Variants in CEP135 observed in about 807,000 individuals in gnomAD.
The protein encoded by CEP135 is centrosomal protein 135.
Under a neutral mutation model 157.3 loss-of-function variants are expected in CEP135, and 142 were observed. The ratio of observed to expected loss-of-function variants is 0.90; its 90% CI spans 0.79 to 1.04. CEP135 has a LOEUF of 1.04. Ranked by LOEUF, CEP135 falls within the 50% of genes least tolerant of loss-of-function variation. The pLI, the probability that CEP135 is intolerant of heterozygous loss-of-function variation, is 0.00. For synonymous variants in CEP135, 396 were observed against 439.8 expected, an observed-to-expected ratio of 0.90 and a Z score of 1.25; for missense variants, 1,317 against 1,309.2, an observed-to-expected ratio of 1.01 and a Z score of -0.09.
rs34553927 is a variant in CEP135 at position 55,961,966 on chromosome 4, T to C, written c.699+2200T>C. 1.6e-3 allele frequency among the ~76,000 whole-genome samples: 242 copies of C among 152,212 alleles called. 2 individuals are homozygous for C. The East Asian group carries it at 0.037, about 23-fold the overall frequency. ...ATTTCCTCTTTTTTCCTTAGGACCT[T>C]ACTTTAATCAATTATTCTTTTTTTC... On this transcript the variant is annotated intron_variant, in intron 6 of 25. Coordinates refer to ENST00000257287, the MANE Select transcript of CEP135 (RefSeq NM_025009.5).
At chr4:55,962,711 T>G (rs550211369) in intron 6 of CEP135, among the ~76,000 whole-genome samples, 1 of 149,710 alleles carries the variant, frequency 6.7e-6, no homozygotes. Flanking sequence ...TTTTTTCCAG[T>G]TTTCTTTTTT....
Position 55,965,784 on chromosome 4 carries a change from T to G in CEP135, c.969T>G (p.Asp323Glu). 1 of 1,613,786 alleles carries G rather than the reference T, an allele frequency of 6.2e-7. No homozygotes were observed. Among genetic ancestry groups the G allele is most frequent in the Non-Finnish European group, 8.5e-7 (1 of 1,179,830 alleles). The change falls in exon 8 of 26, where the codon GAT (aspartate) becomes GAG (glutamate). Residue 323 changes from aspartate (D) to glutamate (E), a missense_variant. By Grantham distance (45) the Asp-to-Glu change is conservative. Transcript: ENST00000257287. ...TCTGCCAAGAATTAACTGAAATAGA[T>G]CAGTTAGCACAGCAGTTGGAAAGAC... is the stretch of plus-strand genomic sequence containing the variant. ...EKLCQELTEI[D>E]QLAQQLERHK... is the part of the protein sequence containing the mutation.
At chr4:55,952,434 G>A (rs752996579) in intron 2 of CEP135, 191 bp downstream of exon 2, 14 of 434,624 alleles carry the variant, frequency 3.2e-5, no homozygotes, top group South Asian at 2.2e-4. Context: ...CACCACTCAC[G>A]CTGTACTGTT....
chr4:55,964,235 A>C (rs779344570), intron 6 of CEP135, 39 bp from the exon 7 acceptor site: 2 of 1,572,696 alleles, frequency 1.3e-6, no homozygotes, highest in South Asian at 2.4e-5. Flanking sequence ...TTGGTTGAAA[A>C]CCAGATTTTT....
intron 17 of CEP135, among the ~76,000 whole-genome samples, chr4:56,004,592 T>G (rs1195334210): frequency 6.6e-6 from 1 of 152,246 alleles, no homozygotes; most frequent in Non-Finnish European, 1.5e-5. Context: ...AACCTGGTGT[T>G]GGGTGCATAA....
At chr4:56,019,247 C>T in intron 22 of CEP135, 106 bp from the exon 23 acceptor site, 3 of 817,864 alleles carry the variant, frequency 3.7e-6, no homozygotes, top group Non-Finnish European at 3.8e-6. Flanking sequence ...CAAAATGAAA[C>T]AAGTGATAGG....
At chr4:56,021,630 G>GT (rs1730974365) in intron 24 of CEP135, among the ~76,000 whole-genome samples, 1 of 152,104 alleles carries the variant, frequency 6.6e-6, no homozygotes, top group Non-Finnish European at 1.5e-5. Context: ...CAAATTGCTT[G>GT]TTAGATCAGT....
chr4:55,965,503 A>G, intron 7 of CEP135, 141 bp from the exon 8 acceptor site: 1 of 605,596 alleles, frequency 1.7e-6, no homozygotes, highest in Non-Finnish European at 2.9e-6. Context: ...AAATAACAAT[A>G]TAAATTTGCA....
Position 56,011,389 on chromosome 4 carries a change from GTCTTTAATTTTC to G in CEP135, c.2506-21_2506-10del, listed in dbSNP as rs1730576425. The G allele has an allele frequency of 2.7e-6, 4 of 1,457,966 alleles. No individual in the cohort carries two copies. The South Asian group carries it at 4.8e-5, about 18-fold the overall frequency. The allele number at this position is 1,457,966 out of a possible 1,614,324, so 90.3% of individuals were successfully genotyped here. On this transcript the variant is annotated splice_polypyrimidine_tract_variant and intron_variant, in intron 19 of 25. Coordinates refer to ENST00000257287, the MANE Select transcript of CEP135 (RefSeq NM_025009.5). Reference sequence around the variant, plus strand: ...TTTGGTGTTGTGTTCATTTTAGATTGTCTTTAATTTTCTGATTTGTAGGAAATCTCATTGGAA... The same window carrying G: ...TTTGGTGTTGTGTTCATTTTAGATTGTGATTTGTAGGAAATCTCATTGGAA...
Position 56,020,791 on chromosome 4 carries a change from T to C in CEP135, c.3320+11T>C, listed in dbSNP as rs1346653157. 6.3e-7 allele frequency: 1 copy of C among 1,580,564 alleles called. No homozygotes were observed. Among genetic ancestry groups the C allele is most frequent in the Admixed American group, 1.7e-5 (1 of 58,588 alleles). On this transcript the variant is annotated intron_variant, in intron 24 of 25. Coordinates refer to ENST00000257287, the MANE Select transcript of CEP135 (RefSeq NM_025009.5). The stretch of plus-strand genomic sequence containing the variant: ...TGAAAGATACGAACGGTAAGACAAA[T>C]TTTTTTTACATTTGACAATGTTTTT...
rs1728410836 is a variant in CEP135, at chr4:55,953,157, C to T, written c.186C>T (p.Ala62=). Residue 62 remains alanine, a synonymous_variant, in exon 3 of 26, where the codon GCC becomes GCT. Coordinates refer to ENST00000257287, the MANE Select transcript of CEP135 (RefSeq NM_025009.5). The stretch of plus-strand genomic sequence containing the variant: ...CTGTGAAAGCTGAAAAAGAAAGTGC[C>T]AATTTTGATTTTGTTTTGGAACCCT... The part of the protein sequence containing the change: ...LSAVKAEKES[A]NFDFVLEPYK... The T allele has an allele frequency of 1.2e-6, 2 of 1,607,292 alleles. No individual in the cohort carries two copies.
chr4:55,977,393 T>C (rs1053237469), intron 11 of CEP135, among the ~76,000 whole-genome samples: 2 of 152,210 alleles, frequency 1.3e-5, no homozygotes, highest in African/African-American at 4.8e-5. Context: ...AGAAGTGCTT[T>C]GCAATTGGAG....
At chr4:55,981,042 C>A (rs1251218521) in intron 12 of CEP135, among the ~76,000 whole-genome samples, 185 bp from the exon 13 acceptor site, 1 of 152,134 alleles carries the variant, frequency 6.6e-6, no homozygotes, top group East Asian at 1.9e-4. Context: ...TGGTGCCTCC[C>A]TCAATCCCCT....
chr4:55,991,318 CTTTTTTT>C (rs36216484), intron 14 of CEP135, among the ~76,000 whole-genome samples: 398 of 133,622 alleles, frequency 3.0e-3, no homozygotes, highest in African/African-American at 9.4e-3. Context: ...CTGTTTTTTT[CTTTTTTT>C]TTTTTTTTGT....
chr4:56,023,223 A>G (rs1204841991), intron 24 of CEP135, among the ~76,000 whole-genome samples: 1 of 148,312 alleles, frequency 6.7e-6, no homozygotes, highest in Non-Finnish European at 1.5e-5. Context: ...CCCTGTCACA[A>G]AAAAAAAAAG....
intron 4 of CEP135, among the ~76,000 whole-genome samples, chr4:55,956,237 CTAA>C (rs1728500718): frequency 6.6e-6 from 1 of 152,120 alleles, no homozygotes; most frequent in Non-Finnish European, 1.5e-5. Context: ...TGTTAGAATT[CTAA>C]TGAGACAAAA....
At chr4:55,997,847 A>G (rs1224236882) in intron 15 of CEP135, among the ~76,000 whole-genome samples, 1 of 152,208 alleles carries the variant, frequency 6.6e-6, no homozygotes, top group Non-Finnish European at 1.5e-5. Flanking sequence ...AGCTTTTAGG[A>G]ATAGTGTGAA....
Position 55,976,923 on chromosome 4 carries a change from C to T in CEP135, c.1473+1954C>T, listed in dbSNP as rs186464778. 5.9e-5 allele frequency among the ~76,000 whole-genome samples: 9 copies of T among 152,284 alleles called. No individual in the cohort carries two copies. The East Asian group carries it at 1.7e-3, about 29-fold the overall frequency. On this transcript the variant is annotated intron_variant, in intron 11 of 25. Coordinates refer to ENST00000257287, the MANE Select transcript of CEP135 (RefSeq NM_025009.5). ...CTACTGGGCTCAAGCCATTTTCACA[C>T]CTTAGCGTACTGAGTAGCTGGGACT... is the stretch of plus-strand genomic sequence containing the variant.
At chr4:56,024,039 T>C (rs1731068736) in intron 24 of CEP135, among the ~76,000 whole-genome samples, 1 of 143,320 alleles carries the variant, frequency 7.0e-6, no homozygotes, top group Non-Finnish European at 1.5e-5. Context: ...TTATATATTG[T>C]ATATTTTATA....
Sources: allele counts gnomAD v4.1 joint callset (sites outside exome capture counted in the v4.1 genomes callset), GRCh38; gene constraint gnomAD v4.1.1; transcripts MANE v1.5; gene names NCBI Gene and HGNC (gene_info 2026-07-23, HGNC 2026-07-21).